The following ST6GALNAC3 variants were observed in gnomAD, a reference collection of about 807,000 sequenced individuals.
ST6GALNAC3 encodes the protein alpha-N-acetylgalactosaminide alpha-2,6-sialyltransferase 3.
In ST6GALNAC3, 25 loss-of-function variants were observed where a neutral mutation model predicts 32.7. That is an observed-to-expected ratio of 0.76 (90% CI 0.56 to 1.07). The LOEUF (loss-of-function observed/expected upper bound fraction) is 1.07. Ranked by LOEUF, ST6GALNAC3 falls within the 50% of genes least tolerant of loss-of-function variation. The probability of loss-of-function intolerance (pLI) is 0.00; values close to 1 mark genes in which losing one functional copy is unlikely to be tolerated. For synonymous variants in ST6GALNAC3, 129 were observed against 133.1 expected (o/e 0.97, Z 0.21); for missense variants, 355 against 382.4 (o/e 0.93, Z 0.60).
intron 1 of ST6GALNAC3, among the ~76,000 whole-genome samples, chr1:76,122,500 A>T (rs1648946499): frequency 6.6e-6 from 1 of 152,134 alleles, no homozygotes; most frequent in Non-Finnish European, 1.5e-5. Flanking sequence ...CAAAGCACTG[A>T]GCTATTTGCT....
intron 3 of ST6GALNAC3, among the ~76,000 whole-genome samples, chr1:76,589,826 T>C (rs1647019804): frequency 6.6e-6 from 1 of 151,916 alleles, no homozygotes; most frequent in Admixed American, 6.6e-5. Context: ...CAATTCTTCC[T>C]TGATACCCAG....
At chr1:76,158,690 A>G (rs1042850528) in intron 1 of ST6GALNAC3, among the ~76,000 whole-genome samples, 1 of 152,234 alleles carries the variant, frequency 6.6e-6, no homozygotes, top group African/African-American at 2.4e-5. Context: ...ATAAGGGTTA[A>G]ATAAGATAAT....
At chr1:76,416,759 C>G (rs551057866) in intron 3 of ST6GALNAC3, among the ~76,000 whole-genome samples, 1 of 151,286 alleles carries the variant, frequency 6.6e-6, no homozygotes, top group Non-Finnish European at 1.5e-5. Flanking sequence ...TCCTGAGTAG[C>G]TGGGACTACA....
At chr1:76,410,754 A>G (rs992556144) in intron 2 of ST6GALNAC3, among the ~76,000 whole-genome samples, 13 of 152,152 alleles carry the variant, frequency 8.5e-5, no homozygotes, top group African/African-American at 3.1e-4. Flanking sequence ...TTTATGCAGT[A>G]TCTTACCTCT....
intron 2 of ST6GALNAC3, among the ~76,000 whole-genome samples, chr1:76,380,388 T>C (rs1197437766): frequency 6.6e-6 from 1 of 152,198 alleles, no homozygotes; most frequent in Non-Finnish European, 1.5e-5. Flanking sequence ...GCAACCCCTG[T>C]GGTAAACTAT....
intron 2 of ST6GALNAC3, among the ~76,000 whole-genome samples, chr1:76,379,526 T>A (rs778602403): frequency 6.6e-6 from 1 of 152,176 alleles, no homozygotes; most frequent in Non-Finnish European, 1.5e-5. Context: ...GCCAAGTAGT[T>A]TTCCATGGTG....
In ST6GALNAC3 at chr1:76,388,839, C is replaced by G. The variant is rs548266584; in HGVS notation, c.214-23169C>G. Among the ~76,000 whole-genome samples the G allele has an allele frequency of 1.2e-4, 18 of 152,190 alleles. No homozygotes were observed. The East Asian group carries it at 3.5e-3, about 29-fold the overall frequency. Reference sequence around the variant, plus strand: ...ATCTTATTTAGTGCAGTGGCTAAGACAACAGGCTCTGTAGTCAACTAGTCA... The same window carrying G: ...ATCTTATTTAGTGCAGTGGCTAAGAGAACAGGCTCTGTAGTCAACTAGTCA... On this transcript the variant is annotated intron_variant, in intron 2 of 4. Coordinates refer to ENST00000328299, the MANE Select transcript of ST6GALNAC3 (RefSeq NM_152996.4).
At chr1:76,543,367 G>A (rs1364251712) in intron 3 of ST6GALNAC3, among the ~76,000 whole-genome samples, 1 of 152,114 alleles carries the variant, frequency 6.6e-6, no homozygotes, top group Non-Finnish European at 1.5e-5. Flanking sequence ...CTGACTGGCT[G>A]GTTTAGGATC....
intron 2 of ST6GALNAC3, among the ~76,000 whole-genome samples, chr1:76,338,600 A>G (rs1024643553): frequency 6.6e-6 from 1 of 152,140 alleles, no homozygotes; most frequent in Non-Finnish European, 1.5e-5. Context: ...GTCTGGAGAC[A>G]TTTTGTTTAT....
intron 1 of ST6GALNAC3, among the ~76,000 whole-genome samples, chr1:76,119,869 G>A (rs1648753571): frequency 9.3e-6 from 1 of 107,496 alleles, no homozygotes; most frequent in South Asian, 3.1e-4. Flanking sequence ...GTCCTTAACT[G>A]GCAGGTCCGT....
chr1:76,228,676 C>T (rs1403019299), intron 1 of ST6GALNAC3, among the ~76,000 whole-genome samples: 1 of 152,170 alleles, frequency 6.6e-6, no homozygotes, highest in Non-Finnish European at 1.5e-5. Context: ...TCAGACAACT[C>T]ACTTGGTTTA....
At chr1:76,627,253 A>C (rs1649023341) in intron 3 of ST6GALNAC3, among the ~76,000 whole-genome samples, 199 bp from the exon 4 acceptor site, 1 of 152,012 alleles carries the variant, frequency 6.6e-6, no homozygotes, top group South Asian at 2.1e-4. Context: ...TAAGAGCAAG[A>C]GCATTCCTAT....
chr1:76,434,389 C>T (rs1239446717), intron 3 of ST6GALNAC3, among the ~76,000 whole-genome samples: 1 of 152,054 alleles, frequency 6.6e-6, no homozygotes, highest in Non-Finnish European at 1.5e-5. Context: ...AAATATAAGC[C>T]CCTGTCCTAA....
At chr1:76,139,521 T>C (rs1650181813) in intron 1 of ST6GALNAC3, among the ~76,000 whole-genome samples, 1 of 152,202 alleles carries the variant, frequency 6.6e-6, no homozygotes, top group Admixed American at 6.5e-5. Flanking sequence ...CCTTTATCCC[T>C]ATAGGAAGCC....
intron 2 of ST6GALNAC3, among the ~76,000 whole-genome samples, chr1:76,336,409 G>T (rs191690107): frequency 9.2e-5 from 14 of 152,192 alleles, no homozygotes; most frequent in Admixed American, 2.0e-4. Flanking sequence ...TGGTATAGAG[G>T]TCTCTAATTC....
At chr1:76,578,041 C>G (rs1646837283) in intron 3 of ST6GALNAC3, among the ~76,000 whole-genome samples, 1 of 152,042 alleles carries the variant, frequency 6.6e-6, no homozygotes, top group Admixed American at 6.6e-5. Flanking sequence ...AATTTACTAT[C>G]TAGTTTTTTG....
chr1:76,388,990 T>A (rs1652311918), intron 2 of ST6GALNAC3, among the ~76,000 whole-genome samples: 1 of 148,238 alleles, frequency 6.7e-6, no homozygotes, highest in Non-Finnish European at 1.5e-5. Flanking sequence ...TGGTATGGTG[T>A]GGTTGTTAGT....
chr1:76,620,920 T>C (rs61771661), intron 3 of ST6GALNAC3, among the ~76,000 whole-genome samples: 17,979 of 151,976 alleles, frequency 0.12, 1,452 homozygotes, highest in Admixed American at 0.23. Flanking sequence ...ATCTAGAAAA[T>C]CAGCATTTCC....
At chr1:76,145,658 C>T (rs1014537917) in intron 1 of ST6GALNAC3, among the ~76,000 whole-genome samples, 5 of 152,296 alleles carry the variant, frequency 3.3e-5, no homozygotes, top group East Asian at 1.9e-4. Flanking sequence ...GATATGTCTG[C>T]GTTAATGCTG....
Sources: allele counts gnomAD v4.1 joint callset (sites outside exome capture counted in the v4.1 genomes callset), GRCh38; gene constraint gnomAD v4.1.1; transcripts MANE v1.5; gene names NCBI Gene and HGNC (gene_info 2026-07-23, HGNC 2026-07-21).